METTL15: variants seen among roughly 807,000 people sequenced by gnomAD.
The protein encoded by METTL15 is methyltransferase 15, mitochondrial 12S rRNA N4-cytidine, also known as 12S rRNA N(4)-cytidine methyltransferase METTL15.
A neutral mutation model predicts 38.3 loss-of-function variants in METTL15; 34 were observed. The ratio of observed to expected loss-of-function variants is 0.89; its 90% CI spans 0.68 to 1.18. The LOEUF is 1.18. Ranked by LOEUF, METTL15 falls within the 50% of genes most tolerant of loss-of-function variation. The pLI is 0.00. For missense variants in METTL15, 438 were observed against 498.4 expected (o/e 0.88, Z 1.15); for synonymous variants, 162 against 170.9 (o/e 0.95, Z 0.41).
At chr11:28,235,926 T>C (rs1853940927) in intron 4 of METTL15, among the ~76,000 whole-genome samples, 1 of 151,866 alleles carries the variant, frequency 6.6e-6, no homozygotes. Context: ...CCATTCAGTA[T>C]GATATTGGCT....
intron 5 of METTL15, among the ~76,000 whole-genome samples, chr11:28,420,709 G>C (rs7122934): frequency 0.99 from 151,201 of 152,204 alleles, 75,111 homozygotes; most frequent in Middle Eastern, 1. Context: ...CTATGGGATA[G>C]AGCAAAAGCA....
intron 4 of METTL15, among the ~76,000 whole-genome samples, chr11:28,241,413 A>G (rs1381928470): frequency 6.6e-6 from 1 of 152,108 alleles, no homozygotes; most frequent in Admixed American, 6.6e-5. Flanking sequence ...GGGCGCCTGT[A>G]GCCCCAGCTA....
At chr11:28,197,960 A>G (rs369596714) in intron 3 of METTL15, among the ~76,000 whole-genome samples, 1 of 152,104 alleles carries the variant, frequency 6.6e-6, no homozygotes, top group East Asian at 1.9e-4. Context: ...TGCTGAACAC[A>G]TTGATTAAAG....
intron 4 of METTL15, among the ~76,000 whole-genome samples, chr11:28,248,857 C>G (rs917176503): frequency 6.6e-6 from 1 of 151,930 alleles, no homozygotes; most frequent in Non-Finnish European, 1.5e-5. Flanking sequence ...TATCTTCCAA[C>G]ATGCCACTCT....
chr11:28,211,610 A>G (rs533863081), intron 4 of METTL15, among the ~76,000 whole-genome samples: 9 of 152,178 alleles, frequency 5.9e-5, no homozygotes, highest in African/African-American at 2.2e-4. Flanking sequence ...AACATAATAT[A>G]CTTGTTTCCT....
intron 5 of METTL15, among the ~76,000 whole-genome samples, chr11:28,365,776 G>C (rs575881750): frequency 6.6e-6 from 1 of 152,156 alleles, no homozygotes; most frequent in Admixed American, 6.5e-5. Flanking sequence ...GGCCAGGCGC[G>C]GTGGCTCATG....
intron 4 of METTL15, among the ~76,000 whole-genome samples, chr11:28,222,525 C>T (rs972830228): frequency 6.6e-6 from 1 of 152,148 alleles, no homozygotes; most frequent in African/African-American, 2.4e-5. Context: ...CCTCGCCCTG[C>T]TTTGGCTCAC....
chr11:28,467,745 G>A (rs1176328487), intron 6 of METTL15, among the ~76,000 whole-genome samples: 1 of 152,142 alleles, frequency 6.6e-6, no homozygotes, highest in Non-Finnish European at 1.5e-5. Context: ...TTCCAATGGA[G>A]AGTGATGAGG....
At chr11:28,452,815 AG>A (rs1851134373) in intron 6 of METTL15, among the ~76,000 whole-genome samples, 1 of 152,204 alleles carries the variant, frequency 6.6e-6, no homozygotes, top group South Asian at 2.1e-4. Flanking sequence ...TTGGGAAAGC[AG>A]AACAATTGAT....
At chr11:28,532,297 G>A in the METTL15 span, among the ~76,000 whole-genome samples, 1,199 of 152,128 alleles carry the variant, frequency 7.9e-3, 23 homozygotes, top group African/African-American at 0.027. Context: ...TTTAAGAAAT[G>A]AATACCAAGA....
At chr11:28,268,867 A>C (rs1332557607) in intron 4 of METTL15, among the ~76,000 whole-genome samples, 1 of 152,170 alleles carries the variant, frequency 6.6e-6, no homozygotes, top group Non-Finnish European at 1.5e-5. Context: ...CTAATTTCAC[A>C]TTTGTACTAA....
chr11:28,140,040 G>T (rs890309818), intron 3 of METTL15, among the ~76,000 whole-genome samples: 13 of 152,292 alleles, frequency 8.5e-5, no homozygotes, highest in Middle Eastern at 3.4e-3. Context: ...GCATGTGCAT[G>T]TGCAGACATG....
intron 6 of METTL15, among the ~76,000 whole-genome samples, chr11:28,460,082 AT>A: frequency 6.6e-6 from 1 of 151,918 alleles, no homozygotes; most frequent in East Asian, 1.9e-4. Context: ...CATTTTTATC[AT>A]TTTTATTTTA....
intron 6 of METTL15, among the ~76,000 whole-genome samples, chr11:28,300,417 C>T (rs1329185694): frequency 6.6e-6 from 1 of 152,096 alleles, no homozygotes; most frequent in Non-Finnish European, 1.5e-5. Context: ...ATCACACGCT[C>T]AGTAGGATCC....
At chr11:28,245,491 GA>G (rs918652994) in intron 4 of METTL15, among the ~76,000 whole-genome samples, 159 of 150,270 alleles carry the variant, frequency 1.1e-3, no homozygotes, top group Admixed American at 2.8e-3. Context: ...TAGTGATCAT[GA>G]AAAAAAAAGT....
intron 4 of METTL15, among the ~76,000 whole-genome samples, chr11:28,233,215 C>T (rs1365038713): frequency 6.6e-6 from 1 of 151,864 alleles, no homozygotes; most frequent in Non-Finnish European, 1.5e-5. Flanking sequence ...CTCCTTTGTA[C>T]TCAATTGTTA....
intron 3 of METTL15, among the ~76,000 whole-genome samples, chr11:28,182,368 C>A (rs530215627): frequency 6.6e-6 from 1 of 152,174 alleles, no homozygotes; most frequent in Non-Finnish European, 1.5e-5. Context: ...AGGTTTTCTT[C>A]TAAGATTTTT....
At chr11:28,128,600 A>G in intron 3 of METTL15, among the ~76,000 whole-genome samples, 1 of 152,088 alleles carries the variant, frequency 6.6e-6, no homozygotes, top group Non-Finnish European at 1.5e-5. Flanking sequence ...TTTTATATGA[A>G]TCTTTCGCTG....
At chr11:28,308,828 C>G (rs1215448930) in intron 6 of METTL15, among the ~76,000 whole-genome samples, 2 of 151,932 alleles carry the variant, frequency 1.3e-5, no homozygotes, top group African/African-American at 4.8e-5. Flanking sequence ...TTCTTCATCA[C>G]TAAAGTGTCT....
Sources: gnomAD v4.1 joint callset for allele counts (sites outside exome capture counted in the v4.1 genomes callset) on GRCh38, gnomAD v4.1.1 for gene constraint, MANE v1.5 for transcripts, NCBI Gene and HGNC (gene_info 2026-07-23, HGNC 2026-07-21) for gene names.